The following CACNA1C variants were observed in gnomAD, a reference collection of about 807,000 sequenced individuals.
The protein encoded by CACNA1C is voltage-dependent L-type calcium channel subunit alpha-1C.
Under a neutral mutation model 229.0 loss-of-function variants are expected in CACNA1C, and 30 were observed. That is an observed-to-expected ratio of 0.13 (90% CI 0.10 to 0.18). The LOEUF is 0.18. CACNA1C is among the 10% of genes least tolerant of loss of function. The probability of loss-of-function intolerance (pLI) is 1.00; values close to 1 mark genes in which losing one functional copy is unlikely to be tolerated. For missense variants in CACNA1C, 1,658 were observed against 2,845.0 expected (o/e 0.58, Z 9.49); for synonymous variants, 1,114 against 1,132.5 (o/e 0.98, Z 0.33).
chr12:2,360,171 C>CCCT, intron 3 of CACNA1C, among the ~76,000 whole-genome samples: 1 of 111,178 alleles, frequency 9.0e-6, no homozygotes, highest in African/African-American at 4.1e-5. Context: ...CCCCCACCCC[C>CCCT]CCACCCCACA....
rs1340339579 is a variant in CACNA1C at position 2,633,743 on chromosome 12, C to T, written c.3829-554C>T. On this transcript the variant is annotated intron_variant, in intron 29 of 46. Coordinates refer to ENST00000399655, the MANE Select transcript of CACNA1C (RefSeq NM_000719.7). The surrounding 1 kb of genome is among the most constrained non-coding windows in gnomAD (Gnocchi z 5.8). Reference sequence around the variant, plus strand: ...TATTACTCTGCCCTCCCCAGGAAACCTCCTCATTCCTCCTCCTCTGCCTCG... The same window carrying T: ...TATTACTCTGCCCTCCCCAGGAAACTTCCTCATTCCTCCTCCTCTGCCTCG... 1.9e-6 allele frequency: 2 copies of T among 1,048,096 alleles called. No homozygotes were observed. The highest frequency in any genetic ancestry group is 1.6e-5 in the African/African-American group (1 of 63,816). 64.9% of individuals were successfully genotyped at this position (1,048,096 alleles called of 1,614,324 possible).
At chr12:2,393,233 A>G (rs2154549162) in intron 3 of CACNA1C, among the ~76,000 whole-genome samples, 1 of 152,288 alleles carries the variant, frequency 6.6e-6, no homozygotes, top group Middle Eastern at 3.4e-3. Context: ...GCAAACTGCA[A>G]ACCAAGCAGA....
At chr12:2,036,524 G>A (rs188175205) in intron 1 of CACNA1C, among the ~76,000 whole-genome samples, 5 of 151,080 alleles carry the variant, frequency 3.3e-5, no homozygotes, top group Non-Finnish European at 5.9e-5. Flanking sequence ...ACAGGCTGTA[G>A]GTGCGATGTT....
chr12:2,503,795 T>G (rs2154576995), intron 7 of CACNA1C, among the ~76,000 whole-genome samples: 1 of 152,328 alleles, frequency 6.6e-6, no homozygotes, highest in East Asian at 1.9e-4. Context: ...TAAGGACCAT[T>G]TACCCCTAAG....
At chr12:2,214,156 T>G (rs2059385788) in intron 3 of CACNA1C, among the ~76,000 whole-genome samples, 1 of 152,076 alleles carries the variant, frequency 6.6e-6, no homozygotes, top group African/African-American at 2.4e-5. Context: ...GCAGGCAGAG[T>G]CTGCTCCAGC....
chr12:2,085,757 T>C (rs903985881), intron 1 of CACNA1C, among the ~76,000 whole-genome samples: 1 of 152,148 alleles, frequency 6.6e-6, no homozygotes, highest in African/African-American at 2.4e-5. Context: ...CTCACTCAGA[T>C]TATGTCAGTG....
chr12:2,619,412 C>A (rs1170774200), intron 29 of CACNA1C, among the ~76,000 whole-genome samples: 1 of 152,204 alleles, frequency 6.6e-6, no homozygotes, highest in Non-Finnish European at 1.5e-5. Context: ...GCCCTCTTGT[C>A]TGTGACCATT....
At chr12:2,338,755 G>C (rs2096776555) in intron 3 of CACNA1C, among the ~76,000 whole-genome samples, 1 of 152,148 alleles carries the variant, frequency 6.6e-6, no homozygotes, top group African/African-American at 2.4e-5. Context: ...CCTTGGAGGA[G>C]GTGCCCTTGG....
At chr12:2,081,558 G>A (rs868463922) in intron 1 of CACNA1C, among the ~76,000 whole-genome samples, 1 of 144,446 alleles carries the variant, frequency 6.9e-6, no homozygotes, top group South Asian at 2.3e-4. Flanking sequence ...GCGACAGAGC[G>A]AGACTCAGTC....
intron 30 of CACNA1C, among the ~76,000 whole-genome samples, chr12:2,642,032 G>A (rs943973497): frequency 2.0e-5 from 3 of 152,160 alleles, no homozygotes; most frequent in Non-Finnish European, 4.4e-5. Context: ...CAGACAGAGA[G>A]ACGGGCCTGA....
intron 3 of CACNA1C, among the ~76,000 whole-genome samples, chr12:2,283,711 G>T (rs560721399): frequency 7.2e-5 from 11 of 152,318 alleles, no homozygotes; most frequent in African/African-American, 2.4e-4. Context: ...CCAGGATGGG[G>T]ATCCAAGATG....
chr12:2,285,675 C>T lies in CACNA1C; in HGVS notation c.478-163301C>T, dbSNP rs1591687613. Among the ~76,000 whole-genome samples, 1 of 152,322 alleles carries T rather than the reference C, an allele frequency of 6.6e-6. No individual in the cohort carries two copies. The highest frequency in any genetic ancestry group is 1.9e-4 in the East Asian group (1 of 5,184). ...TTCGACGTTCCTAGGCTCCCTTCCA[C>T]CGTTCCCTGGTCTCCAAACCCCATG... On this transcript the variant is annotated intron_variant, in intron 3 of 46. Transcript: ENST00000399655. The surrounding 1 kb of genome is among the most constrained non-coding windows in gnomAD (Gnocchi z 4.2).
chr12:2,252,231 C>A (rs182275981), intron 3 of CACNA1C, among the ~76,000 whole-genome samples: 106 of 152,272 alleles, frequency 7.0e-4, no homozygotes, highest in Non-Finnish European at 1.2e-3. Context: ...GAGATGGCTG[C>A]TTGGATGAAT....
intron 3 of CACNA1C, among the ~76,000 whole-genome samples, chr12:2,261,374 T>C (rs2080152554): frequency 1.3e-5 from 2 of 152,260 alleles, no homozygotes; most frequent in Non-Finnish European, 2.9e-5. Flanking sequence ...GTGTCTGACT[T>C]ACTAGAAAAC....
At chr12:2,567,539 C>G in intron 12 of CACNA1C, 30 bp from the exon 13 acceptor site, 1 of 1,438,296 alleles carries the variant, frequency 7.0e-7, no homozygotes, top group Non-Finnish European at 9.6e-7. Flanking sequence ...TGGCCCTGCT[C>G]GGATCTCATC....
At chr12:2,382,299 T>A (rs1215746883) in intron 3 of CACNA1C, among the ~76,000 whole-genome samples, 1 of 152,262 alleles carries the variant, frequency 6.6e-6, no homozygotes, top group Non-Finnish European at 1.5e-5. Flanking sequence ...CAATACTACT[T>A]CAAAATTCTG....
intron 3 of CACNA1C, among the ~76,000 whole-genome samples, chr12:2,395,861 G>A (rs913090575): frequency 4.6e-5 from 7 of 152,160 alleles, no homozygotes; most frequent in Admixed American, 3.9e-4. Flanking sequence ...ATCTGCCTTT[G>A]GTTGAGAAAT....
chr12:2,213,800 C>T (rs568215773), intron 3 of CACNA1C, among the ~76,000 whole-genome samples: 1 of 152,374 alleles, frequency 6.6e-6, no homozygotes, highest in Admixed American at 6.5e-5. Context: ...TTCCCAGCTT[C>T]TCCTCTCTTC....
intron 3 of CACNA1C, among the ~76,000 whole-genome samples, chr12:2,177,950 T>C (rs1366278782): frequency 6.6e-6 from 1 of 152,156 alleles, no homozygotes; most frequent in Non-Finnish European, 1.5e-5. Flanking sequence ...TTCCAGTGTT[T>C]CTATGTAACC....
Sources: gnomAD v4.1 joint callset for allele counts (sites outside exome capture counted in the v4.1 genomes callset) on GRCh38, gnomAD v4.1.1 for gene constraint, Gnocchi (gnomAD v3.1) non-coding constraint, MANE v1.5 for transcripts, NCBI Gene and HGNC (gene_info 2026-07-23, HGNC 2026-07-21) for gene names.